SLC6A5: variants seen among roughly 807,000 people sequenced by gnomAD.
SLC6A5 encodes the protein sodium- and chloride-dependent glycine transporter 2.
In SLC6A5, 58 loss-of-function variants were observed where a neutral mutation model predicts 90.5. The observed-to-expected ratio is 0.64, with a 90% CI of 0.52 to 0.80. SLC6A5 has a LOEUF of 0.80. SLC6A5 is among the 30% of genes least tolerant of loss of function. The pLI, the probability that SLC6A5 is intolerant of heterozygous loss-of-function variation, is 0.00. For missense variants in SLC6A5, 1,015 were observed against 1,017.6 expected (o/e 1.00, Z 0.03); for synonymous variants, 427 against 401.4 (o/e 1.06, Z -0.76).
intron 7 of SLC6A5, among the ~76,000 whole-genome samples, chr11:20,618,762 C>G (rs1434637715): frequency 1.3e-5 from 2 of 152,048 alleles, no homozygotes; most frequent in Non-Finnish European, 2.9e-5. Flanking sequence ...CATGGTGAAA[C>G]CCCGTCTCTA....
At chr11:20,606,239 G>A (rs958042926) in intron 3 of SLC6A5, among the ~76,000 whole-genome samples, 1 of 152,240 alleles carries the variant, frequency 6.6e-6, no homozygotes, top group East Asian at 1.9e-4. Flanking sequence ...CCTAGACGGG[G>A]CATTTTGAGG....
chr11:20,647,714 C>T (rs918260742), intron 14 of SLC6A5, among the ~76,000 whole-genome samples: 2 of 152,062 alleles, frequency 1.3e-5, no homozygotes, highest in Admixed American at 1.3e-4. Flanking sequence ...GAAACGGAAG[C>T]CCAGAGTTGA....
At chr11:20,637,695 C>T (rs1162747425) in intron 12 of SLC6A5, among the ~76,000 whole-genome samples, 1 of 152,132 alleles carries the variant, frequency 6.6e-6, no homozygotes, top group African/African-American at 2.4e-5. Flanking sequence ...TATACTCCTG[C>T]CTGGGCAACA....
intron 6 of SLC6A5, 35 bp from the exon 7 acceptor site, chr11:20,617,717 C>T: frequency 6.2e-7 from 1 of 1,601,446 alleles, no homozygotes; most frequent in Non-Finnish European, 8.5e-7. Context: ...CTCCTTCTTT[C>T]TATCACTCCC....
intron 3 of SLC6A5, among the ~76,000 whole-genome samples, chr11:20,606,200 C>T (rs532083786): frequency 3.3e-5 from 5 of 152,362 alleles, no homozygotes; most frequent in Admixed American, 2.6e-4. Context: ...GTCTCAGTGA[C>T]TCTATGGAGG....
intron 3 of SLC6A5, 130 bp from the exon 4 acceptor site, chr11:20,606,877 T>A: frequency 8.9e-7 from 1 of 1,124,750 alleles, no homozygotes; most frequent in Non-Finnish European, 1.3e-6. Context: ...ATCAAAGGGC[T>A]TCTTCAGGAA....
chr11:20,625,421 C>G (rs991226367), intron 7 of SLC6A5, among the ~76,000 whole-genome samples: 5 of 151,652 alleles, frequency 3.3e-5, no homozygotes, highest in Middle Eastern at 3.4e-3. Flanking sequence ...GCCACCACAC[C>G]CGGCTAATTT....
intron 5 of SLC6A5, among the ~76,000 whole-genome samples, chr11:20,608,922 GTCTCTCTCTCTCTCTC>G (rs138477311): frequency 1.4e-3 from 185 of 131,700 alleles, no homozygotes; most frequent in African/African-American, 3.2e-3. Context: ...CTGTCTGTCT[GTCTCTCTCTCTCTCTC>G]TCTCTCTCTC....
intron 5 of SLC6A5, among the ~76,000 whole-genome samples, chr11:20,612,410 A>G (rs913052438): frequency 2.0e-5 from 3 of 152,184 alleles, no homozygotes; most frequent in African/African-American, 7.2e-5. Flanking sequence ...GAACTCATTC[A>G]AGCTCTCGGG....
intron 13 of SLC6A5, among the ~76,000 whole-genome samples, chr11:20,639,655 G>A (rs950803462): frequency 6.6e-6 from 1 of 152,136 alleles, no homozygotes; most frequent in Non-Finnish European, 1.5e-5. Context: ...CACCGAAGAG[G>A]TGCTTAACAG....
intron 5 of SLC6A5, among the ~76,000 whole-genome samples, chr11:20,608,813 G>C (rs577563768): frequency 1.3e-5 from 2 of 152,184 alleles, no homozygotes; most frequent in African/African-American, 4.8e-5. Context: ...AGTATATTAA[G>C]GGCAAAAATA....
At chr11:20,650,779 G>T (rs903950369) in intron 14 of SLC6A5, among the ~76,000 whole-genome samples, 2 of 147,000 alleles carry the variant, frequency 1.4e-5, no homozygotes, top group Non-Finnish European at 3.0e-5. Flanking sequence ...CCATTCTCCT[G>T]CCTCAGCCTC....
At chr11:20,600,347 A>AGAAGAG (rs1160177465) in intron 1 of SLC6A5, among the ~76,000 whole-genome samples, 131 of 96,522 alleles carry the variant, frequency 1.4e-3, no homozygotes, top group Admixed American at 3.9e-3. Context: ...AAGAAGAAGA[A>AGAAGAG]GAAGAAGAAG....
At chr11:20,649,721 T>C (rs1018293299) in intron 14 of SLC6A5, among the ~76,000 whole-genome samples, 3 of 152,252 alleles carry the variant, frequency 2.0e-5, no homozygotes, top group African/African-American at 4.8e-5. Context: ...ATGCAATTAC[T>C]GTATACATAG....
intron 13 of SLC6A5, 49 bp from the exon 14 acceptor site, chr11:20,646,785 C>T (rs371144782): frequency 5.2e-6 from 7 of 1,336,940 alleles, no homozygotes; most frequent in South Asian, 1.2e-5. Flanking sequence ...CACCACCTCA[C>T]CTTCCTGCTA....
intron 15 of SLC6A5, among the ~76,000 whole-genome samples, chr11:20,653,505 T>C (rs570860073): frequency 1.1e-4 from 17 of 152,268 alleles, no homozygotes; most frequent in African/African-American, 2.4e-4. Context: ...GGTTATCCCA[T>C]TGAGGCTCTG....
At chr11:20,601,771 G>A in intron 2 of SLC6A5, 106 bp downstream of exon 2, 1 of 1,204,980 alleles carries the variant, frequency 8.3e-7, no homozygotes, top group Non-Finnish European at 1.2e-6. Flanking sequence ...GAAACCGGTT[G>A]GCAGTGCCAG....
chr11:20,620,988 A>G (rs908460475), intron 7 of SLC6A5, among the ~76,000 whole-genome samples: 3 of 151,910 alleles, frequency 2.0e-5, no homozygotes, highest in South Asian at 2.1e-4. Flanking sequence ...TTTTTAGTAG[A>G]GACAGGATTT....
chr11:20,638,652 C>A, intron 13 of SLC6A5, 94 bp downstream of exon 13: 1 of 811,700 alleles, frequency 1.2e-6, no homozygotes, highest in Admixed American at 1.7e-5. Flanking sequence ...TAAGACAATA[C>A]AGGGCTTAAA....
Sources: gnomAD v4.1 joint callset for allele counts (sites outside exome capture counted in the v4.1 genomes callset) on GRCh38, gnomAD v4.1.1 for gene constraint, MANE v1.5 for transcripts, NCBI Gene and HGNC (gene_info 2026-07-23, HGNC 2026-07-21) for gene names.